TAF1B: variants seen among roughly 807,000 people sequenced by gnomAD.
TAF1B encodes TATA-box binding protein associated factor, RNA polymerase I subunit B.
TAF1B carries 61 observed loss-of-function variants against 83.9 expected under a neutral mutation model. The observed-to-expected ratio is 0.73, with a 90% confidence interval of 0.59 to 0.90. TAF1B has a LOEUF of 0.90. Ranked by LOEUF, TAF1B falls within the 40% of genes least tolerant of loss-of-function variation. The pLI, the probability that TAF1B is intolerant of heterozygous loss-of-function variation, is 0.00. For synonymous variants in TAF1B, 221 were observed against 224.6 expected (o/e 0.98, Z 0.14); for missense variants, 625 against 677.0 (o/e 0.92, Z 0.85).
chr2:9,894,363 G>A (rs1036141282), intron 8 of TAF1B, among the ~76,000 whole-genome samples: 4 of 152,044 alleles, frequency 2.6e-5, no homozygotes, highest in African/African-American at 9.7e-5. Context: ...CTAAATAGTG[G>A]CATTTGGTTA....
At chr2:9,867,279 C>T (rs565641804) in intron 5 of TAF1B, among the ~76,000 whole-genome samples, 50 of 152,162 alleles carry the variant, frequency 3.3e-4, no homozygotes, top group Admixed American at 2.0e-3. Flanking sequence ...GAGTTTGAAT[C>T]GTCCAGAAGA....
At chr2:9,907,913 C>G (rs1665395790) in intron 9 of TAF1B, among the ~76,000 whole-genome samples, 1 of 151,990 alleles carries the variant, frequency 6.6e-6, no homozygotes, top group African/African-American at 2.4e-5. Flanking sequence ...TTCCCACCCT[C>G]TGCTCCCTTC....
At chr2:9,902,124 TA>T (rs1214735977) in intron 8 of TAF1B, among the ~76,000 whole-genome samples, 1 of 151,930 alleles carries the variant, frequency 6.6e-6, no homozygotes, top group African/African-American at 2.4e-5. Context: ...TTCTAAAAAT[TA>T]ACAGTGTAAT....
At chr2:9,869,830 C>T (rs1395331427) in intron 6 of TAF1B, among the ~76,000 whole-genome samples, 4 of 151,884 alleles carry the variant, frequency 2.6e-5, no homozygotes, top group Admixed American at 2.0e-4. Context: ...CAAGATCACA[C>T]CACTGCACTC....
intron 5 of TAF1B, among the ~76,000 whole-genome samples, chr2:9,855,526 A>G (rs1036505227): frequency 4.6e-5 from 7 of 152,120 alleles, no homozygotes; most frequent in African/African-American, 1.7e-4. Flanking sequence ...AAAAAATTAA[A>G]AAATACGTAC....
intron 8 of TAF1B, among the ~76,000 whole-genome samples, chr2:9,884,720 CAG>C (rs1664619481): frequency 6.6e-6 from 1 of 151,902 alleles, no homozygotes; most frequent in Non-Finnish European, 1.5e-5. Context: ...CAGCTCTCAG[CAG>C]AGAGGGGGCC....
intron 12 of TAF1B, among the ~76,000 whole-genome samples, chr2:9,917,805 G>C (rs1434559329): frequency 1.3e-5 from 2 of 151,712 alleles, no homozygotes; most frequent in East Asian, 3.9e-4. Context: ...GGGCGCGGTG[G>C]CTCACGCCTG....
Position 9,915,000 on chromosome 2 carries a change from A to G in TAF1B, c.1271+1751A>G, listed in dbSNP as rs562800221. ...GATGAAAATTATTAAAACATTTTCTATATCTGAGCATGGGTTCCTATGCAT... is the reference window on the plus strand; with the variant it reads ...GATGAAAATTATTAAAACATTTTCTGTATCTGAGCATGGGTTCCTATGCAT... On this transcript the variant is annotated intron_variant, in intron 12 of 14. Transcript: ENST00000263663. The surrounding 1 kb of genome is among the most constrained non-coding windows in gnomAD (Gnocchi z 4.3). Among the ~76,000 whole-genome samples the G allele has an allele frequency of 6.6e-6, 1 of 152,230 alleles. No homozygotes were observed. The highest frequency in any genetic ancestry group is 6.5e-5 in the Admixed American group (1 of 15,278).
chr2:9,921,506 A>AT (rs1333560654), intron 14 of TAF1B, among the ~76,000 whole-genome samples: 1 of 152,228 alleles, frequency 6.6e-6, no homozygotes, highest in Non-Finnish European at 1.5e-5. Flanking sequence ...CTCCAAAAGT[A>AT]TTTTTTGAGT....
At chr2:9,856,848 C>T (rs1034035290) in intron 5 of TAF1B, among the ~76,000 whole-genome samples, 8 of 152,250 alleles carry the variant, frequency 5.3e-5, no homozygotes, top group Non-Finnish European at 8.8e-5. Flanking sequence ...TTCAAGAGTA[C>T]AGCTATACTC....
chr2:9,867,169 C>G (rs938594036), intron 5 of TAF1B, among the ~76,000 whole-genome samples: 5 of 152,062 alleles, frequency 3.3e-5, no homozygotes, highest in Non-Finnish European at 7.4e-5. Flanking sequence ...GAAAAATTTG[C>G]AATGGAGAGA....
At chr2:9,921,122 T>G (rs1665865268) in intron 14 of TAF1B, among the ~76,000 whole-genome samples, 1 of 152,200 alleles carries the variant, frequency 6.6e-6, no homozygotes, top group South Asian at 2.1e-4. Context: ...TATGAGGTCT[T>G]GCTGTGTCAC....
rs569967691 is a variant in TAF1B at position 9,893,680 on chromosome 2, C to T, written c.807+10875C>T. The stretch of plus-strand genomic sequence containing the variant: ...CTCCAGCCTGGACGACAGAGCAAGA[C>T]CCTGTCTCAAATAATAATCATAACT... On this transcript the variant is annotated intron_variant, in intron 8 of 14. Transcript: ENST00000263663. 2.2e-4 allele frequency among the ~76,000 whole-genome samples: 33 copies of T among 152,154 alleles called. 1 individual carries two copies. Among genetic ancestry groups the T allele is most frequent in the African/African-American group, 7.9e-4 (33 of 41,514 alleles).
At chr2:9,861,486 G>A (rs952975389) in intron 5 of TAF1B, among the ~76,000 whole-genome samples, 12 of 152,252 alleles carry the variant, frequency 7.9e-5, no homozygotes, top group African/African-American at 2.9e-4. Flanking sequence ...AGCTCAAGGA[G>A]GCCTGCCTGC....
At chr2:9,868,623 A>G (rs1203835768) in intron 6 of TAF1B, 194 bp downstream of exon 6, 12 of 820,768 alleles carry the variant, frequency 1.5e-5, no homozygotes, top group Non-Finnish European at 2.5e-5. Flanking sequence ...TTTAAAAGGC[A>G]CATTGTCTCC....
At chr2:9,921,280 G>A (rs1191995345) in intron 14 of TAF1B, among the ~76,000 whole-genome samples, 1 of 151,978 alleles carries the variant, frequency 6.6e-6, no homozygotes, top group Non-Finnish European at 1.5e-5. Context: ...TTGCAGAGAC[G>A]AGGGTCTCCC....
chr2:9,882,392 C>T (rs1664538048), intron 7 of TAF1B, among the ~76,000 whole-genome samples: 1 of 152,180 alleles, frequency 6.6e-6, no homozygotes, highest in Non-Finnish European at 1.5e-5. Context: ...AACTCCAGGG[C>T]TCAAGCAGTC....
At chr2:9,847,552 G>GTAAC (rs1292704121) in intron 2 of TAF1B, among the ~76,000 whole-genome samples, 4 of 152,082 alleles carry the variant, frequency 2.6e-5, no homozygotes, top group African/African-American at 9.7e-5. Context: ...TCCTTGGCAT[G>GTAAC]TAACTGTCAA....
chr2:9,886,376 G>A (rs552067572), intron 8 of TAF1B, among the ~76,000 whole-genome samples: 1 of 152,302 alleles, frequency 6.6e-6, no homozygotes, highest in African/African-American at 2.4e-5. Context: ...TAGGTTCGAG[G>A]AAGTCCATGG....
Sources: gnomAD v4.1 joint callset for allele counts (sites outside exome capture counted in the v4.1 genomes callset) on GRCh38, gnomAD v4.1.1 for gene constraint, Gnocchi (gnomAD v3.1) non-coding constraint, MANE v1.5 for transcripts, NCBI Gene and HGNC (gene_info 2026-07-23, HGNC 2026-07-21) for gene names.